SCRN1: variants seen among roughly 807,000 people sequenced by gnomAD.
SCRN1 encodes secernin-1.
A neutral mutation model predicts 43.3 loss-of-function variants in SCRN1; 19 were observed. The ratio of observed to expected loss-of-function variants is 0.44; its 90% CI spans 0.31 to 0.64. The LOEUF (loss-of-function observed/expected upper bound fraction) is 0.64. Ranked by LOEUF, SCRN1 falls within the 30% of genes least tolerant of loss-of-function variation. The pLI is 0.09. For missense variants in SCRN1, 447 were observed against 524.1 expected (o/e 0.85, Z 1.44); for synonymous variants, 183 against 188.9 (o/e 0.97, Z 0.26).
At chr7:29,990,047 G>T (rs1444683770), upstream of SCRN1, 1 of 1,487,874 alleles carries the variant, frequency 6.7e-7, no homozygotes, top group Admixed American at 2.5e-5. Context: ...CTTGGTTGTG[G>T]CTCTCAAAAG....
At chr7:29,946,470 G>A (rs947589583) in intron 3 of SCRN1, among the ~76,000 whole-genome samples, 13 of 152,204 alleles carry the variant, frequency 8.5e-5, no homozygotes, top group African/African-American at 3.1e-4. Context: ...CAACTTGCCC[G>A]TGCAAACATG....
At chr7:29,949,523 G>A (rs998544625) in intron 3 of SCRN1, among the ~76,000 whole-genome samples, 3 of 151,144 alleles carry the variant, frequency 2.0e-5, no homozygotes, top group Admixed American at 6.6e-5. Context: ...GACCACAGGC[G>A]TGGGCCACTA....
chr7:29,958,473 C>A (rs1280134238), intron 2 of SCRN1, among the ~76,000 whole-genome samples: 1 of 152,234 alleles, frequency 6.6e-6, no homozygotes, highest in African/African-American at 2.4e-5. Context: ...TATTAATGAG[C>A]CAGAGAAGTG....
intron 2 of SCRN1, among the ~76,000 whole-genome samples, chr7:29,956,989 T>C (rs1200007769): frequency 6.6e-6 from 1 of 152,174 alleles, no homozygotes; most frequent in East Asian, 1.9e-4. Context: ...ACCAACACTT[T>C]CCAAAACCCC....
intron 6 of SCRN1, among the ~76,000 whole-genome samples, chr7:29,934,589 T>A (rs1303765084): frequency 6.6e-6 from 1 of 152,144 alleles, no homozygotes; most frequent in Non-Finnish European, 1.5e-5. Context: ...GGGAGCAAAC[T>A]AGGTCACAGT....
chr7:29,988,046 T>TA (rs539420067), intron 1 of SCRN1, among the ~76,000 whole-genome samples: 2,615 of 148,404 alleles, frequency 0.018, 33 homozygotes, highest in Non-Finnish European at 0.024. Flanking sequence ...AAAGGCTGTT[T>TA]AAAAAAAAAA....
chr7:29,987,489 C>A (rs892947068), intron 1 of SCRN1, among the ~76,000 whole-genome samples: 3 of 152,132 alleles, frequency 2.0e-5, no homozygotes, highest in Admixed American at 6.5e-5. Context: ...AATTTTTAAT[C>A]AAAAAATGTA....
chr7:29,961,491 C>G (rs1157894625), intron 2 of SCRN1, among the ~76,000 whole-genome samples: 2 of 146,794 alleles, frequency 1.4e-5, no homozygotes, highest in Non-Finnish European at 3.0e-5. Context: ...ACACGGCAAC[C>G]ATCCGATTTC....
chr7:29,974,290 A>T (rs1393367220), intron 1 of SCRN1, among the ~76,000 whole-genome samples: 1 of 152,254 alleles, frequency 6.6e-6, no homozygotes, highest in Non-Finnish European at 1.5e-5. Context: ...GCAAATTCTT[A>T]TATGAGTTAT....
intron 7 of SCRN1, among the ~76,000 whole-genome samples, chr7:29,925,879 G>A (rs906375439): frequency 1.3e-5 from 2 of 150,134 alleles, no homozygotes; most frequent in Non-Finnish European, 1.5e-5. Flanking sequence ...AAAACCCTAG[G>A]AATATGAGAA....
In SCRN1 at chr7:29,950,399, GC is replaced by G. The variant is rs1179762726; in HGVS notation, c.341+4779del. 6.6e-6 allele frequency among the ~76,000 whole-genome samples: 1 copy of G among 152,178 alleles called. No individual in the cohort carries two copies. ...GGCAGCTCAGTGTGGGCCTGCCAGT[GC>G]CCCCCAAGATGAAAAACCTGGACAT... is the stretch of plus-strand genomic sequence containing the variant. On this transcript the variant is annotated intron_variant, in intron 3 of 7. Coordinates refer to ENST00000242059, the MANE Select transcript of SCRN1 (RefSeq NM_014766.5). This position sits in a 1 kb window ranked among gnomAD's most constrained non-coding sequence, Gnocchi z 4.5.
chr7:29,968,886 C>T (rs1014188047), intron 2 of SCRN1, 23 bp downstream of exon 2: 25 of 1,613,226 alleles, frequency 1.5e-5, no homozygotes, highest in Middle Eastern at 1.6e-4. Flanking sequence ...GTGTGACTCG[C>T]GAGACTGCAA....
intron 1 of SCRN1, among the ~76,000 whole-genome samples, 161 bp downstream of exon 1, chr7:29,989,481 C>G (rs1273248850): frequency 6.6e-6 from 1 of 152,200 alleles, no homozygotes; most frequent in African/African-American, 2.4e-5. Context: ...AGGCTCCCAG[C>G]CCGCCCGGGC....
rs75204383 is a variant in SCRN1 at position 29,921,038 on chromosome 7, T to C, written c.*2919A>G. On this transcript the variant is annotated 3_prime_UTR_variant, in exon 8 of 8. Transcript: ENST00000242059. ...TTTACTCCTGCCAGAGCTTCTGTCCTTGAATATGAGGGCTATCTTCACCTA... is the reference window on the plus strand; with the variant it reads ...TTTACTCCTGCCAGAGCTTCTGTCCCTGAATATGAGGGCTATCTTCACCTA... The C allele has an allele frequency of 1.8e-3, 276 of 152,792 alleles. 1 individual carries two copies. Among genetic ancestry groups the C allele is most frequent in the East Asian group, 0.013 (69 of 5,188 alleles). The allele number at this position is 152,792 out of a possible 1,614,324, so 9.5% of individuals were successfully genotyped here.
At chr7:29,943,486 T>C (rs1253631010) in intron 4 of SCRN1, among the ~76,000 whole-genome samples, 4 of 152,180 alleles carry the variant, frequency 2.6e-5, no homozygotes, top group Non-Finnish European at 4.4e-5. Context: ...ACTGTCTCAC[T>C]GTGAGATAAA....
chr7:29,943,843 A>C, intron 4 of SCRN1, 134 bp downstream of exon 4: 1 of 810,014 alleles, frequency 1.2e-6, no homozygotes, highest in Non-Finnish European at 2.0e-6. Flanking sequence ...AGGCATGCCA[A>C]AGCATGACAG....
intron 5 of SCRN1, 33 bp from the exon 6 acceptor site, chr7:29,936,754 G>C (rs764577611): frequency 6.7e-7 from 1 of 1,496,022 alleles, no homozygotes; most frequent in Non-Finnish European, 9.0e-7. Flanking sequence ...CAAATGGAAA[G>C]AGTAGATATA....
At chr7:29,966,167 G>GAA in intron 2 of SCRN1, among the ~76,000 whole-genome samples, 1 of 142,906 alleles carries the variant, frequency 7.0e-6, no homozygotes, top group South Asian at 2.3e-4. Context: ...GACAGAGAGA[G>GAA]AGAGAGAGAG....
At position 29,950,962 on chromosome 7, in the gene SCRN1, G is replaced by C. The variant is rs1025302820; in HGVS notation, c.341+4217C>G. ...ACAAGAGCTTGGGACCCGCCAAATG[G>C]TGGGACTGAAAGAGCTATAACACAA... On this transcript the variant is annotated intron_variant, in intron 3 of 7. Coordinates refer to ENST00000242059, the MANE Select transcript of SCRN1 (RefSeq NM_014766.5). The surrounding 1 kb of genome is among the most constrained non-coding windows in gnomAD (Gnocchi z 4.5). Among the ~76,000 whole-genome samples, 1 of 152,226 alleles carries C rather than the reference G, an allele frequency of 6.6e-6. No individual in the cohort carries two copies.
Sources: gnomAD v4.1 joint callset for allele counts (sites outside exome capture counted in the v4.1 genomes callset) on GRCh38, gnomAD v4.1.1 for gene constraint, Gnocchi (gnomAD v3.1) non-coding constraint, MANE v1.5 for transcripts, NCBI Gene and HGNC (gene_info 2026-07-23, HGNC 2026-07-21) for gene names.